DIAPH3: variants seen among roughly 807,000 people sequenced by gnomAD.
The protein encoded by DIAPH3 is diaphanous related formin 3.
In DIAPH3, 117 loss-of-function variants were observed where a neutral mutation model predicts 144.3. That is an observed-to-expected ratio of 0.81 (90% CI 0.70 to 0.95). The LOEUF is 0.95. Ranked by LOEUF, DIAPH3 falls within the 40% of genes least tolerant of loss-of-function variation. DIAPH3 has a pLI of 0.00. For missense variants in DIAPH3, 1,421 were observed against 1,412.7 expected (o/e 1.01, Z -0.09); for synonymous variants, 519 against 488.9 (o/e 1.06, Z -0.81).
chr13:59,869,122 G>A (rs1416479530), intron 21 of DIAPH3, among the ~76,000 whole-genome samples: 1 of 152,138 alleles, frequency 6.6e-6, no homozygotes, highest in Non-Finnish European at 1.5e-5. Context: ...GTGTAGCTTT[G>A]TAATTGCCAG....
chr13:60,028,946 C>T (rs2054583382), intron 5 of DIAPH3, among the ~76,000 whole-genome samples: 1 of 151,888 alleles, frequency 6.6e-6, no homozygotes, highest in Non-Finnish European at 1.5e-5. Flanking sequence ...GTAGTCCCAG[C>T]TACTCAGGAG....
intron 25 of DIAPH3, among the ~76,000 whole-genome samples, chr13:59,788,231 G>A (rs1199668681): frequency 1.3e-5 from 2 of 152,192 alleles, no homozygotes; most frequent in Non-Finnish European, 2.9e-5. Flanking sequence ...CAGTATTGGT[G>A]AAGGGTTGGG....
Position 59,850,733 on chromosome 13 carries a change from G to C in DIAPH3, c.2737+10674C>G, listed in dbSNP as rs571780103. ...CACAGAAATACAAACTACCATCAGA[G>C]AATACTACAAACACCTCTACGCAAA... On this transcript the variant is annotated intron_variant, in intron 22 of 27. Transcript: ENST00000400324. 1.6e-4 allele frequency among the ~76,000 whole-genome samples: 24 copies of C among 151,780 alleles called. No individual in the cohort carries two copies. The South Asian group carries it at 5.0e-3, about 32-fold the overall frequency.
chr13:59,758,991 T>C (rs2037432137), intron 27 of DIAPH3, among the ~76,000 whole-genome samples: 1 of 148,988 alleles, frequency 6.7e-6, no homozygotes, highest in Admixed American at 6.8e-5. Flanking sequence ...AGCATCTCAC[T>C]ATATTGCCCA....
At chr13:59,727,850 C>A (rs888372327) in intron 27 of DIAPH3, among the ~76,000 whole-genome samples, 1 of 152,044 alleles carries the variant, frequency 6.6e-6, no homozygotes, top group Non-Finnish European at 1.5e-5. Context: ...AGCCCTAATA[C>A]CCGTATTTTG....
intron 24 of DIAPH3, among the ~76,000 whole-genome samples, chr13:59,826,082 T>A (rs1302306220): frequency 1.3e-5 from 2 of 152,120 alleles, no homozygotes; most frequent in African/African-American, 2.4e-5. Context: ...TCATACTGAA[T>A]GGGAATAAAC....
At chr13:60,077,169 A>C (rs1342549805) in intron 4 of DIAPH3, among the ~76,000 whole-genome samples, 1 of 152,026 alleles carries the variant, frequency 6.6e-6, no homozygotes, top group African/African-American at 2.4e-5. Flanking sequence ...TAATCATTTT[A>C]TTTTGATTAC....
chr13:59,862,259 G>A (rs2043638922), intron 21 of DIAPH3, among the ~76,000 whole-genome samples: 2 of 152,220 alleles, frequency 1.3e-5, no homozygotes, highest in East Asian at 3.9e-4. Context: ...ATATAAATCT[G>A]AAAAGACCAA....
rs145695457 is a variant in DIAPH3 at position 59,676,127 on chromosome 13, A to C, written c.3320-9281T>G. 3.2e-3 allele frequency among the ~76,000 whole-genome samples: 485 copies of C among 152,322 alleles called. 2 individuals are homozygous for C. The highest frequency in any genetic ancestry group is 0.031 in the South Asian group (150 of 4,824). ...TGTTTCATTTCATTTTGATTCACAG[A>C]ATCATGTAATGTAGAATCAAATGGA... On this transcript the variant is annotated intron_variant, in intron 27 of 27. Coordinates refer to ENST00000400324, the MANE Select transcript of DIAPH3 (RefSeq NM_001042517.2).
chr13:59,709,524 G>A (rs1336458625), intron 27 of DIAPH3, among the ~76,000 whole-genome samples: 1 of 152,188 alleles, frequency 6.6e-6, no homozygotes, highest in Non-Finnish European at 1.5e-5. Flanking sequence ...TCAGAGAAAT[G>A]CAAATCAAAA....
chr13:59,694,288 G>A (rs771091146), intron 27 of DIAPH3, among the ~76,000 whole-genome samples: 3 of 152,054 alleles, frequency 2.0e-5, no homozygotes, highest in Admixed American at 6.6e-5. Flanking sequence ...TGAAAATCTC[G>A]TCTCAGGTCA....
At position 59,840,543 on chromosome 13, in the gene DIAPH3, T is replaced by C. The variant is rs941409948; in HGVS notation, c.2738-1095A>G. On this transcript the variant is annotated intron_variant, in intron 22 of 27. Coordinates refer to ENST00000400324, the MANE Select transcript of DIAPH3 (RefSeq NM_001042517.2). ...AAAAATAATGTGTAAGAATATGAAA[T>C]GGTGTTTTATTGTTTTTTTAACCTG... Among the ~76,000 whole-genome samples the C allele has an allele frequency of 4.6e-5, 7 of 152,078 alleles. 1 individual carries two copies. The highest frequency in any genetic ancestry group is 1.4e-4 in the African/African-American group (6 of 41,518).
intron 27 of DIAPH3, among the ~76,000 whole-genome samples, chr13:59,670,612 T>C (rs1473123401): frequency 2.0e-5 from 3 of 150,444 alleles, no homozygotes; most frequent in Admixed American, 2.0e-4. Context: ...TGAGACAGTC[T>C]TGCTCTGTCG....
intron 17 of DIAPH3, among the ~76,000 whole-genome samples, chr13:59,965,355 C>T (rs2049989853): frequency 6.6e-6 from 1 of 152,030 alleles, no homozygotes; most frequent in Admixed American, 6.6e-5. Context: ...ATAAATTAGT[C>T]TAAGTGAATT....
intron 25 of DIAPH3, among the ~76,000 whole-genome samples, chr13:59,804,614 T>G (rs533112841): frequency 6.6e-6 from 1 of 152,256 alleles, no homozygotes; most frequent in East Asian, 1.9e-4. Flanking sequence ...GTTGTTACAA[T>G]GTCTGTTCTA....
At chr13:59,992,621 A>C (rs1230525358) in intron 9 of DIAPH3, 38 bp from the exon 10 acceptor site, 1 of 1,497,086 alleles carries the variant, frequency 6.7e-7, no homozygotes, top group East Asian at 2.3e-5. Flanking sequence ...CTGGGTTTCC[A>C]ACATTAAAGA....
intron 17 of DIAPH3, among the ~76,000 whole-genome samples, chr13:59,957,581 C>T (rs1209150862): frequency 1.3e-5 from 2 of 152,138 alleles, no homozygotes; most frequent in Non-Finnish European, 2.9e-5. Context: ...TTATAGTTAC[C>T]ATGCAGAAGC....
At chr13:59,842,374 T>C (rs1041960818) in intron 22 of DIAPH3, among the ~76,000 whole-genome samples, 6 of 152,268 alleles carry the variant, frequency 3.9e-5, no homozygotes, top group South Asian at 2.1e-4. Flanking sequence ...GACTCCCATA[T>C]GAGAAAAAGC....
At position 60,046,980 on chromosome 13, in the gene DIAPH3, T is replaced by TG. The variant is rs974511547; in HGVS notation, c.496-4161dup. ...CACATACCGGGGCTTTTCGGGGGGT[T>TG]GGGGGGCTAAGAGAGGGATAGCATT... On this transcript the variant is annotated intron_variant, in intron 4 of 27. Transcript: ENST00000400324. Among the ~76,000 whole-genome samples the TG allele has an allele frequency of 3.5e-4, 52 of 149,694 alleles. 1 individual carries two copies. The highest frequency in any genetic ancestry group is 2.3e-3 in the Admixed American group (35 of 14,908).
Sources: gnomAD v4.1 joint callset for allele counts (sites outside exome capture counted in the v4.1 genomes callset) on GRCh38, gnomAD v4.1.1 for gene constraint, MANE v1.5 for transcripts, NCBI Gene and HGNC (gene_info 2026-07-23, HGNC 2026-07-21) for gene names.